The following MAGI2 variants were observed in gnomAD, a reference collection of about 807,000 sequenced individuals.
MAGI2 encodes membrane-associated guanylate kinase, WW and PDZ domain-containing protein 2.
MAGI2 carries 35 observed loss-of-function variants against 133.3 expected under a neutral mutation model. The ratio of observed to expected loss-of-function variants is 0.26; its 90% CI spans 0.20 to 0.35. MAGI2 has a LOEUF of 0.35. Among genes scored for constraint, MAGI2 ranks in the 10% least tolerant of loss-of-function variants. MAGI2 has a pLI of 1.00. For missense variants in MAGI2, 1,636 were observed against 1,863.4 expected (o/e 0.88, Z 2.25); for synonymous variants, 729 against 710.6 (o/e 1.03, Z -0.41).
chr7:79,413,936 G>A (rs928887027), intron 1 of MAGI2: 1 of 151,986 alleles, frequency 6.6e-6, no homozygotes, highest in East Asian at 1.9e-4. Context: ...TTTTGCCATT[G>A]GTGATACAAA....
chr7:79,159,054 TAAAG>T (rs1824093041), intron 1 of MAGI2, among the ~76,000 whole-genome samples: 1 of 151,980 alleles, frequency 6.6e-6, no homozygotes, highest in African/African-American at 2.4e-5. Context: ...ATAAAAGATG[TAAAG>T]AAAGTTAAAT....
intron 1 of MAGI2, among the ~76,000 whole-genome samples, chr7:79,436,441 G>A (rs1848150151): frequency 6.6e-6 from 1 of 152,028 alleles, no homozygotes; most frequent in Admixed American, 6.6e-5. Context: ...GAAAATATTT[G>A]CAAACTATGT....
At chr7:79,091,219 A>G (rs1028457532) in intron 1 of MAGI2, among the ~76,000 whole-genome samples, 1 of 152,094 alleles carries the variant, frequency 6.6e-6, no homozygotes, top group Non-Finnish European at 1.5e-5. Flanking sequence ...GACTGAAAGT[A>G]AATTCCTCTT....
rs555889831 is a variant in MAGI2 at position 78,687,929 on chromosome 7, C to T, written c.419-60690G>A. On this transcript the variant is annotated intron_variant, in intron 2 of 21. Transcript: ENST00000354212. The stretch of plus-strand genomic sequence containing the variant: ...AGGTTGCGGTGAGCCGAGACTGGGC[C>T]ACTGTACTCCAGTCTGGGCAAGAGA... Among the ~76,000 whole-genome samples the T allele has an allele frequency of 2.3e-5, 3 of 129,586 alleles. 1 individual carries two copies. The highest frequency in any genetic ancestry group is 8.9e-5 in the African/African-American group (3 of 33,748). The allele number at this position is 129,586 out of a possible 152,430, so 85.0% of individuals were successfully genotyped here. A position where few individuals can be genotyped will look rare whatever the true frequency, so the allele number is the denominator to read the frequency against.
intron 1 of MAGI2, among the ~76,000 whole-genome samples, chr7:79,312,905 C>T (rs1406894815): frequency 6.6e-6 from 1 of 152,156 alleles, no homozygotes; most frequent in Non-Finnish European, 1.5e-5. Flanking sequence ...CCCCTCCACC[C>T]ACCGCCTTCT....
At chr7:78,120,326 C>T (rs1302212679) in intron 20 of MAGI2, among the ~76,000 whole-genome samples, 2 of 152,234 alleles carry the variant, frequency 1.3e-5, no homozygotes, top group East Asian at 3.9e-4. Flanking sequence ...TGGTGTGAAC[C>T]CAGGAGGCGG....
intron 1 of MAGI2, among the ~76,000 whole-genome samples, chr7:79,322,226 T>A (rs1839234930): frequency 6.6e-6 from 1 of 152,096 alleles, no homozygotes; most frequent in Admixed American, 6.6e-5. Context: ...ATAATTAAAG[T>A]AAGGTACAGA....
intron 2 of MAGI2, among the ~76,000 whole-genome samples, chr7:78,714,020 TAGTTTC>T (rs1408869187): frequency 1.4e-5 from 2 of 141,054 alleles, no homozygotes; most frequent in Admixed American, 1.5e-4. Context: ...CCACTGAGAA[TAGTTTC>T]CCATGTTTTC....
At chr7:79,436,004 A>T (rs1848116548) in intron 1 of MAGI2, among the ~76,000 whole-genome samples, 1 of 152,194 alleles carries the variant, frequency 6.6e-6, no homozygotes, top group African/African-American at 2.4e-5. Flanking sequence ...GGTTGACAAA[A>T]ATAAGCACTG....
chr7:78,111,801 G>C (rs964276763), intron 20 of MAGI2, among the ~76,000 whole-genome samples: 6 of 152,246 alleles, frequency 3.9e-5, no homozygotes, highest in Non-Finnish European at 8.8e-5. Context: ...ATGGCTGAGA[G>C]ACAACCAGGC....
intron 1 of MAGI2, among the ~76,000 whole-genome samples, chr7:79,124,485 G>C (rs755024127): frequency 2.0e-4 from 31 of 152,210 alleles, no homozygotes; most frequent in Admixed American, 9.2e-4. Context: ...CTTGAACTTA[G>C]GTCTACTGAC....
rs191182 is a variant in MAGI2 at position 78,633,684 on chromosome 7, C to T, written c.419-6445G>A. ...TCGCGCCACTGCACTCCAGCCTGGGCGTCAGAGCGAGACTCCGTCTCAAAA... is the reference window on the plus strand; with the variant it reads ...TCGCGCCACTGCACTCCAGCCTGGGTGTCAGAGCGAGACTCCGTCTCAAAA... On this transcript the variant is annotated intron_variant, in intron 2 of 21. Coordinates refer to ENST00000354212, the MANE Select transcript of MAGI2 (RefSeq NM_012301.4). Among the ~76,000 whole-genome samples the T allele has an allele frequency of 2.1e-3, 259 of 124,404 alleles. 4 individuals are homozygous for T. Among genetic ancestry groups the T allele is most frequent in the South Asian group, 0.017 (66 of 3,998 alleles). The allele number at this position is 124,404 out of a possible 152,430, so 81.6% of individuals were successfully genotyped here.
intron 12 of MAGI2, among the ~76,000 whole-genome samples, chr7:78,188,015 T>A (rs1273419770): frequency 1.3e-5 from 2 of 152,196 alleles, no homozygotes; most frequent in African/African-American, 4.8e-5. Flanking sequence ...ATCCCTTAAT[T>A]CCAGGATCTT....
intron 1 of MAGI2, among the ~76,000 whole-genome samples, chr7:79,419,807 G>C (rs1041063770): frequency 1.3e-5 from 2 of 152,014 alleles, no homozygotes; most frequent in African/African-American, 4.8e-5. Context: ...TAGACTATTT[G>C]ATTATTATGC....
intron 2 of MAGI2, among the ~76,000 whole-genome samples, chr7:78,713,407 G>A (rs1819394249): frequency 6.6e-6 from 1 of 152,156 alleles, no homozygotes; most frequent in Admixed American, 6.5e-5. Context: ...AAGGCAGAAA[G>A]ACAAACATGT....
chr7:78,210,344 C>T (rs551173202), intron 10 of MAGI2, among the ~76,000 whole-genome samples: 11 of 152,118 alleles, frequency 7.2e-5, no homozygotes, highest in African/African-American at 1.9e-4. Flanking sequence ...AAAAGATACT[C>T]GGGAGAACTG....
intron 1 of MAGI2, among the ~76,000 whole-genome samples, chr7:79,258,963 T>C (rs1833888407): frequency 6.6e-6 from 1 of 152,228 alleles, no homozygotes; most frequent in South Asian, 2.1e-4. Flanking sequence ...CTCATTCTCA[T>C]TCTTTCAAGC....
intron 3 of MAGI2, among the ~76,000 whole-genome samples, chr7:78,594,857 A>G (rs1014864111): frequency 1.3e-5 from 2 of 152,188 alleles, no homozygotes; most frequent in Non-Finnish European, 2.9e-5. Context: ...AACAAGGGTA[A>G]TCACCCCAGT....
chr7:78,481,869 T>G (rs1168112739), intron 6 of MAGI2, among the ~76,000 whole-genome samples: 2 of 151,866 alleles, frequency 1.3e-5, no homozygotes, highest in Non-Finnish European at 2.9e-5. Context: ...TTCTTAGACT[T>G]GATACCAAAA....
Sources: gnomAD v4.1 joint callset for allele counts (sites outside exome capture counted in the v4.1 genomes callset) on GRCh38, gnomAD v4.1.1 for gene constraint, MANE v1.5 for transcripts, NCBI Gene and HGNC (gene_info 2026-07-23, HGNC 2026-07-21) for gene names.